AKR1C8: variants seen among roughly 807,000 people sequenced by gnomAD.
AKR1C8 encodes the protein aldo-keto reductase family 1 member C-like protein 1.
chr10:5,163,949 A>G, the AKR1C8 span, among the ~76,000 whole-genome samples: 138 of 152,238 alleles, frequency 9.1e-4, no homozygotes, highest in African/African-American at 3.2e-3. Flanking sequence ...TCCTTTGTGT[A>G]ACCAACAGGC....
chr10:5,168,684 G>T, the AKR1C8 span, among the ~76,000 whole-genome samples: 1 of 152,078 alleles, frequency 6.6e-6, no homozygotes, highest in Non-Finnish European at 1.5e-5. Context: ...GAGATTCAGA[G>T]ATGAAAACAT....
chr10:5,152,414 A>T, the AKR1C8 span, among the ~76,000 whole-genome samples: 1 of 152,226 alleles, frequency 6.6e-6, no homozygotes, highest in Non-Finnish European at 1.5e-5. Flanking sequence ...AAATCATCAC[A>T]GCAACTTGTA....
the AKR1C8 span, chr10:5,122,093 CTT>C: frequency 5.8e-6 from 2 of 344,644 alleles, no homozygotes; most frequent in African/African-American, 4.5e-5. Flanking sequence ...AAAATTGTAA[CTT>C]AGCATGTCGG....
At chr10:5,166,751 C>A in the AKR1C8 span, among the ~76,000 whole-genome samples, 66 of 152,188 alleles carry the variant, frequency 4.3e-4, no homozygotes, top group African/African-American at 1.5e-3. Flanking sequence ...GTCTAAAACA[C>A]CAAAAGCAAT....
chr10:5,176,504 A>G, the AKR1C8 span, among the ~76,000 whole-genome samples: 1 of 150,336 alleles, frequency 6.7e-6, no homozygotes, highest in Non-Finnish European at 1.5e-5. Flanking sequence ...GTTTTTTCCA[A>G]TTCTGTGAAG....
chr10:5,140,531 G>C, the AKR1C8 span, among the ~76,000 whole-genome samples: 12 of 151,890 alleles, frequency 7.9e-5, no homozygotes, highest in African/African-American at 2.7e-4. Context: ...ATCATTCTGA[G>C]CAAACAATCT....
the AKR1C8 span, among the ~76,000 whole-genome samples, chr10:5,129,849 G>A: frequency 1.3e-5 from 2 of 151,884 alleles, no homozygotes; most frequent in Non-Finnish European, 2.9e-5. Context: ...TCAAAAAGAA[G>A]TTGGTACGAA....
the AKR1C8 span, among the ~76,000 whole-genome samples, chr10:5,175,448 G>T: frequency 6.6e-6 from 1 of 152,142 alleles, no homozygotes; most frequent in Non-Finnish European, 1.5e-5. Context: ...GTGTGCATGT[G>T]TCTTTATAGC....
the AKR1C8 span, among the ~76,000 whole-genome samples, chr10:5,168,460 G>T: frequency 1.3e-5 from 2 of 152,130 alleles, no homozygotes; most frequent in East Asian, 3.9e-4. Flanking sequence ...ATGCCTGATA[G>T]TCATGGTACC....
chr10:5,180,868 G>T, the AKR1C8 span, among the ~76,000 whole-genome samples: 7 of 152,326 alleles, frequency 4.6e-5, no homozygotes, highest in South Asian at 2.1e-4. Context: ...GGAGTGACCC[G>T]ATTTTCCAGG....
chr10:5,182,633 G>A, the AKR1C8 span, among the ~76,000 whole-genome samples: 1 of 152,174 alleles, frequency 6.6e-6, no homozygotes, highest in Non-Finnish European at 1.5e-5. Context: ...TGTAAGGCCA[G>A]GTGTGGTGGC....
chr10:5,165,393 G>T, the AKR1C8 span, among the ~76,000 whole-genome samples: 1 of 152,122 alleles, frequency 6.6e-6, no homozygotes, highest in African/African-American at 2.4e-5. Flanking sequence ...CTCCTAGGGG[G>T]ATAGGATTTT....
At chr10:5,151,669 A>T in the AKR1C8 span, among the ~76,000 whole-genome samples, 1 of 148,640 alleles carries the variant, frequency 6.7e-6, no homozygotes, top group East Asian at 2.0e-4. Flanking sequence ...TGATTCTCCT[A>T]CCTCAGCCTC....
At chr10:5,183,758 A>C in the AKR1C8 span, among the ~76,000 whole-genome samples, 1 of 152,282 alleles carries the variant, frequency 6.6e-6, no homozygotes, top group South Asian at 2.1e-4. Context: ...AAACAGCTTG[A>C]AAAAAATCAG....
At chr10:5,135,045 G>A in the AKR1C8 span, 10 of 161,204 alleles carry the variant, frequency 6.2e-5, no homozygotes, top group African/African-American at 1.7e-4. Flanking sequence ...GGTGAGTCAC[G>A]CAGAGTAACA....
chr10:5,130,991 A>G, the AKR1C8 span, among the ~76,000 whole-genome samples: 3 of 152,056 alleles, frequency 2.0e-5, no homozygotes, highest in Admixed American at 2.0e-4. Flanking sequence ...TAATATAAAA[A>G]TAGGCATTTA....
At chr10:5,130,145 A>C in the AKR1C8 span, among the ~76,000 whole-genome samples, 2 of 151,964 alleles carry the variant, frequency 1.3e-5, no homozygotes, top group African/African-American at 4.8e-5. Context: ...GATATATAAC[A>C]CAAAGAGAAT....
chr10:5,165,111 T>A, the AKR1C8 span, among the ~76,000 whole-genome samples: 3 of 152,194 alleles, frequency 2.0e-5, no homozygotes, highest in Non-Finnish European at 2.9e-5. Flanking sequence ...AGGGCCTTTT[T>A]GTCCCTACTG....
chr10:5,147,486 T>C, the AKR1C8 span, among the ~76,000 whole-genome samples: 1 of 151,922 alleles, frequency 6.6e-6, no homozygotes. Flanking sequence ...AAGTACAACA[T>C]CGTTATCAGT....
Sources: gnomAD v4.1 joint callset for allele counts (sites outside exome capture counted in the v4.1 genomes callset) on GRCh38, gnomAD v4.1.1 for gene constraint, MANE v1.5 for transcripts, NCBI Gene and HGNC (gene_info 2026-07-23, HGNC 2026-07-21) for gene names.